Variants in PTPRC observed in about 807,000 individuals in gnomAD.
The protein encoded by PTPRC is receptor-type tyrosine-protein phosphatase C.
PTPRC carries 44 observed loss-of-function variants against 155.9 expected under a neutral mutation model. The observed-to-expected ratio is 0.28, with a 90% CI of 0.22 to 0.36. The LOEUF (loss-of-function observed/expected upper bound fraction) is 0.36. Ranked by LOEUF, PTPRC falls within the 10% of genes least tolerant of loss-of-function variation. The pLI is 1.00. For synonymous variants in PTPRC, 525 were observed against 533.1 expected, an observed-to-expected ratio of 0.98 and a Z score of 0.21; for missense variants, 1,401 against 1,564.6, an observed-to-expected ratio of 0.90 and a Z score of 1.76.
intron 2 of PTPRC, among the ~76,000 whole-genome samples, chr1:198,675,285 T>G (rs1664888788): frequency 6.6e-6 from 1 of 152,080 alleles, no homozygotes; most frequent in Non-Finnish European, 1.5e-5. Context: ...TAAAAGAAAA[T>G]ATAGTTTGTT....
intron 2 of PTPRC, chr1:198,657,888 A>G (rs995111210): frequency 6.6e-6 from 1 of 152,176 alleles, no homozygotes; most frequent in Non-Finnish European, 1.5e-5. Flanking sequence ...TAGCCCATAA[A>G]AAATGCATTT....
intron 2 of PTPRC, among the ~76,000 whole-genome samples, chr1:198,656,445 A>G (rs1440049629): frequency 6.6e-6 from 1 of 152,032 alleles, no homozygotes; most frequent in Non-Finnish European, 1.5e-5. Context: ...TTTGACTTAA[A>G]AGGTATTGTT....
chr1:198,649,672 G>A (rs1229738606), intron 2 of PTPRC, among the ~76,000 whole-genome samples: 1 of 151,708 alleles, frequency 6.6e-6, no homozygotes, highest in African/African-American at 2.4e-5. Context: ...GTGTAAAATG[G>A]AAATAATAGC....
chr1:198,713,581 C>T (rs1326282), intron 12 of PTPRC, among the ~76,000 whole-genome samples: 10,862 of 151,124 alleles, frequency 0.072, 641 homozygotes, highest in East Asian at 0.19. Flanking sequence ...TAGACTTCTG[C>T]AGAAGTAATG....
intron 17 of PTPRC, among the ~76,000 whole-genome samples, chr1:198,731,215 A>C (rs1654372479): frequency 6.6e-6 from 1 of 152,060 alleles, no homozygotes; most frequent in Non-Finnish European, 1.5e-5. Flanking sequence ...TTTCATTTGC[A>C]TGTTTACAGT....
intron 2 of PTPRC, among the ~76,000 whole-genome samples, chr1:198,655,903 C>T (rs1663536859): frequency 6.6e-6 from 1 of 152,058 alleles, no homozygotes; most frequent in Non-Finnish European, 1.5e-5. Flanking sequence ...TTCTTTATGG[C>T]TCCCAGCAGT....
In PTPRC at chr1:198,709,732, A is replaced by T; in HGVS notation, c.1079A>T (p.Glu360Val). The T allele has an allele frequency of 1.2e-6, 2 of 1,605,704 alleles. No individual in the cohort carries two copies. Among genetic ancestry groups the T allele is most frequent in the Non-Finnish European group, 1.7e-6 (2 of 1,176,054 alleles). ...DNKEIKLENL[E>V]PEHEYKCDSE... is the part of the protein sequence containing the mutation. ...AAAGAAATTAAATTAGAAAACCTTG[A>T]ACCCGAACATGAGTATAAGTGTGAC... Residue 360 changes from glutamate to valine, a missense_variant, in exon 11 of 33, where the codon GAA becomes GTA. Around this residue, in one of 3 missense-constraint regions of PTPRC, gnomAD observed 867 missense variants for 970.4 expected, o/e 0.89. Coordinates refer to ENST00000442510, the MANE Select transcript of PTPRC (RefSeq NM_002838.5).
Position 198,741,844 on chromosome 1 carries a change from A to G in PTPRC, c.2404-25A>G, listed in dbSNP as rs775531970. 8 of 1,606,730 alleles carry G rather than the reference A, an allele frequency of 5.0e-6. No homozygotes were observed. In the South Asian group the frequency reaches 8.8e-5, roughly 18 times the overall value. ...TAGTTTGCTTTAAAAAAATCATCTC[A>G]AAGAAAATATTATCTCTTGACTAGA... is the stretch of plus-strand genomic sequence containing the variant. On this transcript the variant is annotated intron_variant, in intron 23 of 32. Transcript: ENST00000442510.
chr1:198,681,439 C>G (rs1665320374), intron 2 of PTPRC, among the ~76,000 whole-genome samples: 1 of 152,100 alleles, frequency 6.6e-6, no homozygotes. Flanking sequence ...AGTGCATTTG[C>G]TTGCAAAGGG....
At chr1:198,694,231 G>T (rs1666082202) in intron 3 of PTPRC, 2 of 1,258,608 alleles carry the variant, frequency 1.6e-6, no homozygotes, top group South Asian at 1.8e-5. Flanking sequence ...AAGACCAGAA[G>T]ACTCAGCAAG....
At chr1:198,721,696 G>A (rs1400679551) in intron 14 of PTPRC, among the ~76,000 whole-genome samples, 2 of 151,812 alleles carry the variant, frequency 1.3e-5, no homozygotes, top group African/African-American at 4.8e-5. Context: ...AATTTTTACA[G>A]CTCTATGTGT....
At position 198,655,101 on chromosome 1, in the gene PTPRC, A is replaced by G. The variant is rs139323224; in HGVS notation, c.73+15760A>G. ...TGTGTCTTCTATTAAATAATAACAA[A>G]TAAGAATACCTTTTATTTTGTGATG... is the stretch of plus-strand genomic sequence containing the variant. On this transcript the variant is annotated intron_variant, in intron 2 of 32. Coordinates refer to ENST00000442510, the MANE Select transcript of PTPRC (RefSeq NM_002838.5). Among the ~76,000 whole-genome samples the G allele has an allele frequency of 5.5e-3, 829 of 152,078 alleles. 3 individuals carry two copies. Among genetic ancestry groups the G allele is most frequent in the Middle Eastern group, 0.017 (5 of 290 alleles).
rs967753533 is a variant in PTPRC, at chr1:198,714,235, T to C, written c.1291+1163T>C. On this transcript the variant is annotated intron_variant, in intron 12 of 32. Transcript: ENST00000442510. ...CTGAATCTTCTATTCACTATCCCTT[T>C]CTGCATTCCTCAATGTCTACACTCT... Among the ~76,000 whole-genome samples the C allele has an allele frequency of 3.6e-4, 55 of 152,166 alleles. 1 individual carries two copies. The highest frequency in any genetic ancestry group is 5.3e-4 in the Non-Finnish European group (36 of 68,038).
intron 11 of PTPRC, chr1:198,712,690 T>A: frequency 2.3e-6 from 1 of 439,970 alleles, no homozygotes; most frequent in Non-Finnish European, 4.1e-6. Flanking sequence ...GAATAATGTA[T>A]ATGAAAGGAA....
At chr1:198,755,111 A>AAATAAAT (rs1655568878) in intron 32 of PTPRC, among the ~76,000 whole-genome samples, 1 of 152,128 alleles carries the variant, frequency 6.6e-6, no homozygotes, top group Non-Finnish European at 1.5e-5. Context: ...TTAGCCAAAT[A>AAATAAAT]AATAAGTCAT....
At chr1:198,742,184 C>A in intron 24 of PTPRC, 48 bp from the exon 25 acceptor site, 2 of 1,611,530 alleles carry the variant, frequency 1.2e-6, no homozygotes, top group Non-Finnish European at 1.7e-6. Flanking sequence ...TCACACCTGA[C>A]AGCTTTTCCA....
chr1:198,751,358 A>T (rs777078638), intron 29 of PTPRC, among the ~76,000 whole-genome samples: 3 of 150,912 alleles, frequency 2.0e-5, no homozygotes, highest in Non-Finnish European at 3.0e-5. Context: ...GGTAGATCTC[A>T]CTCAGCTTTA....
chr1:198,652,184 C>T (rs569750181), intron 2 of PTPRC, among the ~76,000 whole-genome samples: 11 of 151,874 alleles, frequency 7.2e-5, no homozygotes, highest in African/African-American at 2.7e-4. Flanking sequence ...GAAAGCTGTG[C>T]AGCTTTCTCT....
At chr1:198,755,410 T>C (rs1030255320) in intron 32 of PTPRC, among the ~76,000 whole-genome samples, 1 of 152,110 alleles carries the variant, frequency 6.6e-6, no homozygotes, top group African/African-American at 2.4e-5. Flanking sequence ...AAATGCTTGC[T>C]ATGTGCTCTT....
Sources: allele counts gnomAD v4.1 joint callset (sites outside exome capture counted in the v4.1 genomes callset), GRCh38; gene constraint gnomAD v4.1.1; regional missense constraint gnomAD v4.1.1; transcripts MANE v1.5; gene names NCBI Gene and HGNC (gene_info 2026-07-23, HGNC 2026-07-21).